The following ESCO1 variants were observed in gnomAD, a reference collection of about 807,000 sequenced individuals.
The protein encoded by ESCO1 is establishment of sister chromatid cohesion N-acetyltransferase 1, also known as N-acetyltransferase ESCO1.
Under a neutral mutation model 83.5 loss-of-function variants are expected in ESCO1, and 33 were observed. The observed-to-expected ratio is 0.40, with a 90% CI of 0.30 to 0.53. The LOEUF (loss-of-function observed/expected upper bound fraction) is 0.53. Among genes scored for constraint, ESCO1 ranks in the 20% least tolerant of loss-of-function variants. ESCO1 has a pLI of 0.63. For missense variants in ESCO1, 855 were observed against 968.0 expected (o/e 0.88, Z 1.55); for synonymous variants, 332 against 324.3 (o/e 1.02, Z -0.25).
intron 5 of ESCO1, 38 bp downstream of exon 5, chr18:21,567,942 A>C: frequency 6.7e-7 from 1 of 1,483,850 alleles, no homozygotes; most frequent in Non-Finnish European, 9.3e-7. Context: ...AATGTCACTG[A>C]AGACTATGAA....
At position 21,566,180 on chromosome 18, in the gene ESCO1, G is replaced by C. The variant is rs759822729; in HGVS notation, c.1672C>G (p.Leu558Val). ...CTGCTTTTAGATGTCTGGTTACTGAGAATACTATGCTGTTGGGGAGCTGAA... is the reference window on the plus strand; with the variant it reads ...CTGCTTTTAGATGTCTGGTTACTGACAATACTATGCTGTTGGGGAGCTGAA... ...PGSAPQQHSILSNQTSKSSDN... is the reference protein window; with the variant it reads ...PGSAPQQHSIVSNQTSKSSDN... The change falls in exon 6 of 12, where the codon CTC becomes GTC. Residue 558 changes from leucine to valine, a missense_variant. Around this residue, in one of 2 missense-constraint regions of ESCO1, gnomAD observed 726 missense variants for 699.5 expected, o/e 1.04. Transcript: ENST00000269214. 1 of 1,613,382 alleles carries C rather than the reference G, an allele frequency of 6.2e-7. No individual in the cohort carries two copies. Among genetic ancestry groups the C allele is most frequent in the Admixed American group, 1.7e-5 (1 of 59,978 alleles).
At position 21,575,198 on chromosome 18, in the gene ESCO1, C is replaced by T. The variant is rs2038403389; in HGVS notation, c.-355G>A. ...TTTTTTAATTAATTTTGGTTTCAGG[C>T]CTAGCTCTATTACTGGAGGAGTTAT... On this transcript the variant is annotated 5_prime_UTR_variant, in exon 4 of 12. Coordinates refer to ENST00000269214, the MANE Select transcript of ESCO1 (RefSeq NM_052911.3). The T allele has an allele frequency of 2.6e-6, 1 of 382,758 alleles. No individual in the cohort carries two copies. Among genetic ancestry groups the T allele is most frequent in the African/African-American group, 2.1e-5 (1 of 48,312 alleles). 23.7% of individuals were successfully genotyped at this position (382,758 alleles called of 1,614,324 possible).
chr18:21,575,739 C>T lies in ESCO1; in HGVS notation c.-655G>A, dbSNP rs2038411020. 2.5e-6 allele frequency: 1 copy of T among 398,072 alleles called. No individual in the cohort carries two copies. Among genetic ancestry groups the T allele is most frequent in the Non-Finnish European group, 4.4e-6 (1 of 225,876 alleles). The allele number at this position is 398,072 out of a possible 1,614,324, so 24.7% of individuals were successfully genotyped here. ...AACTCATGAAGAAAATTAGACAAAA[C>T]CATTCCTTCTAATATGCTCTTAACA... On this transcript the variant is annotated 5_prime_UTR_variant, in exon 3 of 12. Coordinates refer to ENST00000269214, the MANE Select transcript of ESCO1 (RefSeq NM_052911.3).
In ESCO1 at chr18:21,560,996, T is replaced by C. The variant is rs368214510; in HGVS notation, c.1822-6A>G. 15 of 1,576,930 alleles carry C rather than the reference T, an allele frequency of 9.5e-6. No homozygotes were observed. Among genetic ancestry groups the C allele is most frequent in the South Asian group, 3.6e-5 (3 of 82,938 alleles). ...AATCTTTTTTGTCCTGCATCCTATTTACAAAAAACACACAAAAGTTTTTTT... is the reference window on the plus strand; with the variant it reads ...AATCTTTTTTGTCCTGCATCCTATTCACAAAAAACACACAAAAGTTTTTTT... On this transcript the variant is annotated splice_region_variant and splice_polypyrimidine_tract_variant and intron_variant, in intron 7 of 11. Coordinates refer to ENST00000269214, the MANE Select transcript of ESCO1 (RefSeq NM_052911.3).
Position 21,566,208 on chromosome 18 carries a change from T to A in ESCO1, c.1646-2A>T. The stretch of plus-strand genomic sequence containing the variant: ...TACTATGCTGTTGGGGAGCTGAACC[T>A]GTAATTTAATCAAGAAGGTGGGTTA... On this transcript the variant is annotated splice_acceptor_variant, in intron 5 of 11. Transcript: ENST00000269214. LOFTEE classifies it high-confidence loss of function. The A allele has an allele frequency of 6.2e-7, 1 of 1,612,004 alleles. No homozygotes were observed.
chr18:21,588,328 G>A (rs1598479114), intron 1 of ESCO1, among the ~76,000 whole-genome samples: 1 of 151,862 alleles, frequency 6.6e-6, no homozygotes, highest in East Asian at 1.9e-4. Context: ...ATAGTACTGG[G>A]ATAACTGGAT....
rs1568109881 is a variant in ESCO1 at position 21,579,796 on chromosome 18, A to ACG, written c.-693-4020_-693-4019insCG. Among the ~76,000 whole-genome samples, 5 of 23,522 alleles carry ACG rather than the reference A, an allele frequency of 2.1e-4. 2 individuals are homozygous for ACG. The South Asian group carries it at 8.7e-3, about 41-fold the overall frequency. The allele number at this position is 23,522 out of a possible 152,430, so 15.4% of individuals were successfully genotyped here. A position where few individuals can be genotyped will look rare whatever the true frequency, so the allele number is the denominator to read the frequency against. Reference sequence around the variant, plus strand: ...GACACACACACACACGCGCGCGCGCACACACACACACACACACACACACAC... The same window carrying ACG: ...GACACACACACACACGCGCGCGCGCACGCACACACACACACACACACACACAC... On this transcript the variant is annotated intron_variant, in intron 2 of 11. Transcript: ENST00000269214.
In ESCO1 at chr18:21,530,495, T is replaced by TAA; in HGVS notation, c.2376-7_2376-6dup. The TAA allele has an allele frequency of 1.3e-6, 1 of 798,356 alleles. No individual in the cohort carries two copies. The highest frequency in any genetic ancestry group is 1.7e-6 in the Non-Finnish European group (1 of 584,888). 49.5% of individuals were successfully genotyped at this position (798,356 alleles called of 1,614,324 possible). ...GAGCCATATATAAAGTTACTCCTAT[T>TAA]AAAAAAAAATGGGGGGGGGGAAGGG... is the stretch of plus-strand genomic sequence containing the variant. On this transcript the variant is annotated splice_polypyrimidine_tract_variant and splice_region_variant and intron_variant, in intron 11 of 11. Transcript: ENST00000269214.
intron 5 of ESCO1, among the ~76,000 whole-genome samples, chr18:21,567,310 C>T (rs922248944): frequency 6.6e-6 from 1 of 152,106 alleles, no homozygotes; most frequent in Admixed American, 6.6e-5. Context: ...GCGTGCACCA[C>T]CATGCCTTGC....
chr18:21,592,506 G>A (rs1371963448), intron 1 of ESCO1, among the ~76,000 whole-genome samples: 1 of 147,322 alleles, frequency 6.8e-6, no homozygotes, highest in Admixed American at 6.7e-5. Flanking sequence ...GGGCGGCCGG[G>A]CAGAGGCGCC....
intron 8 of ESCO1, among the ~76,000 whole-genome samples, chr18:21,545,858 A>T (rs1359720386): frequency 6.6e-6 from 1 of 152,184 alleles, no homozygotes; most frequent in Admixed American, 6.5e-5. Context: ...TGAACCCAGG[A>T]GGCGGAGGCT....
At chr18:21,589,258 T>A (rs1287229030) in intron 1 of ESCO1, among the ~76,000 whole-genome samples, 2 of 151,222 alleles carry the variant, frequency 1.3e-5, no homozygotes, top group African/African-American at 2.4e-5. Context: ...AAAAAATAGA[T>A]AACATCAACA....
chr18:21,574,486 G>C lies in ESCO1; in HGVS notation c.358C>G (p.Arg120Gly), dbSNP rs746057312. ...ENPKANEQLN[R>G]RSQRLQQLTE... Reference sequence around the variant, plus strand: ...AATTGTTGTAGCCTTTGTGATCTCCGGTTAAGCTGTTCATTTGCTTTAGGG... The same window carrying C: ...AATTGTTGTAGCCTTTGTGATCTCCCGTTAAGCTGTTCATTTGCTTTAGGG... The change falls in exon 4 of 12, where the codon CGG (arginine) becomes GGG (glycine). Residue 120 changes from arginine (R) to glycine (G), a missense_variant. Around this residue, in one of 2 missense-constraint regions of ESCO1, gnomAD observed 726 missense variants for 699.5 expected, o/e 1.04. Transcript: ENST00000269214. 2 of 1,614,020 alleles carry C rather than the reference G, an allele frequency of 1.2e-6. No individual in the cohort carries two copies. Among genetic ancestry groups the C allele is most frequent in the Admixed American group, 3.3e-5 (2 of 60,000 alleles).
Position 21,573,837 on chromosome 18 carries a change from G to C in ESCO1, c.1007C>G (p.Pro336Arg). 8 of 1,613,736 alleles carry C rather than the reference G, an allele frequency of 5.0e-6. No individual in the cohort carries two copies. The highest frequency in any genetic ancestry group is 6.8e-6 in the Non-Finnish European group (8 of 1,179,974). Residue 336 changes from proline (P) to arginine (R), a missense_variant, in exon 4 of 12, where the codon CCC (proline) becomes CGC (arginine). Physicochemically the swap from Pro to Arg is moderately radical, Grantham distance 103. This residue lies in a region of ESCO1 where 726 missense variants were observed against 699.5 expected (regional missense o/e 1.04). Transcript: ENST00000269214. ...SQMESVKEEK[P>R]TEIKLEETSV... is the part of the protein sequence containing the mutation. The stretch of plus-strand genomic sequence containing the variant: ...GGTCTCTTCCAATTTTATTTCTGTG[G>C]GCTTTTCTTCCTTTACACTTTCCAT...
intron 8 of ESCO1, among the ~76,000 whole-genome samples, chr18:21,558,984 A>G (rs1366398098): frequency 6.6e-6 from 1 of 152,228 alleles, no homozygotes; most frequent in African/African-American, 2.4e-5. Flanking sequence ...TATGAAAGGC[A>G]TAAAATGAAA....
chr18:21,538,961 A>ATT (rs2037870445), intron 9 of ESCO1, among the ~76,000 whole-genome samples: 5 of 152,044 alleles, frequency 3.3e-5, no homozygotes, highest in Admixed American at 6.6e-5. Context: ...AATAACCTAT[A>ATT]TAATAAAATG....
rs374548656 is a variant in ESCO1, at chr18:21,573,765, A to C, written c.1079T>G (p.Val360Gly). 1.9e-6 allele frequency: 3 copies of C among 1,614,046 alleles called. No individual in the cohort carries two copies. The highest frequency in any genetic ancestry group is 2.5e-6 in the Non-Finnish European group (3 of 1,180,030). ...ACTTGGGAAAAAACGATTACATTGC[A>C]CATCCTGATTTGTTTCCTTCTGATG... ...ILHQKETNQD[V>G]QCNRFFPSRK... The change falls in exon 4 of 12, where the codon GTG becomes GGG. Residue 360 changes from valine to glycine, a missense_variant. This residue lies in a region of ESCO1 where 726 missense variants were observed against 699.5 expected (regional missense o/e 1.04). Transcript: ENST00000269214.
At chr18:21,551,946 T>C (rs548251923) in intron 8 of ESCO1, among the ~76,000 whole-genome samples, 2 of 152,350 alleles carry the variant, frequency 1.3e-5, no homozygotes, top group Admixed American at 6.5e-5. Context: ...GAAAGGATAC[T>C]ATCTACTTCA....
chr18:21,595,857 G>A (rs1411129796), intron 1 of ESCO1, among the ~76,000 whole-genome samples: 7 of 151,718 alleles, frequency 4.6e-5, no homozygotes, highest in East Asian at 2.0e-4. Context: ...CCAGCTACTC[G>A]GGAGGCTGAG....
Sources: allele counts gnomAD v4.1 joint callset (sites outside exome capture counted in the v4.1 genomes callset), GRCh38; gene constraint gnomAD v4.1.1; regional missense constraint gnomAD v4.1.1; transcripts MANE v1.5; gene names NCBI Gene and HGNC (gene_info 2026-07-23, HGNC 2026-07-21).